Variants in LRP6 observed in about 807,000 individuals in gnomAD.
The protein encoded by LRP6 is low-density lipoprotein receptor-related protein 6.
In LRP6, 43 loss-of-function variants were observed where a neutral mutation model predicts 184.1. The ratio of observed to expected loss-of-function variants is 0.23; its 90% confidence interval spans 0.18 to 0.30. The LOEUF (loss-of-function observed/expected upper bound fraction) is 0.30, where lower values mean the gene tolerates loss of function less well. Among genes scored for constraint, LRP6 ranks in the 10% least tolerant of loss-of-function variants. The pLI, the probability that LRP6 is intolerant of heterozygous loss-of-function variation, is 1.00. For synonymous variants in LRP6, 719 were observed against 684.9 expected (o/e 1.05, Z -0.78); for missense variants, 1,571 against 2,005.3 (o/e 0.78, Z 4.14).
intron 2 of LRP6, among the ~76,000 whole-genome samples, chr12:12,225,608 A>G (rs1037608399): frequency 6.6e-6 from 1 of 151,886 alleles, no homozygotes; most frequent in Admixed American, 6.6e-5. Flanking sequence ...GTGGTGGCTC[A>G]CTCCTGTAAT....
chr12:12,148,999 A>G lies in LRP6; in HGVS notation c.3149T>C (p.Val1050Ala), dbSNP rs762892871. ...TCTGTCCTGCTCGCCTTTCAGCACC[A>G]CTCCAACTGATCTCCCATCTAATCT... ...VTRLDGRSVG[V>A]VLKGEQDRPR... The change falls in exon 14 of 23, where the codon GTG becomes GCG. Residue 1050 changes from valine to alanine, a missense_variant. Around this residue, in one of 4 missense-constraint regions of LRP6, gnomAD observed 763 missense variants for 859.5 expected, o/e 0.89. Coordinates refer to ENST00000261349, the MANE Select transcript of LRP6 (RefSeq NM_002336.3). 2 of 1,613,906 alleles carry G rather than the reference A, an allele frequency of 1.2e-6. No individual in the cohort carries two copies. The highest frequency in any genetic ancestry group is 1.7e-6 in the Non-Finnish European group (2 of 1,179,976).
At chr12:12,260,783 T>C (rs1187376286) in intron 1 of LRP6, among the ~76,000 whole-genome samples, 4 of 152,230 alleles carry the variant, frequency 2.6e-5, no homozygotes, top group Admixed American at 6.5e-5. Flanking sequence ...AGAGTTTAAC[T>C]TGGCCTGTTT....
chr12:12,168,791 G>A (rs1402678553), intron 7 of LRP6, among the ~76,000 whole-genome samples: 1 of 152,084 alleles, frequency 6.6e-6, no homozygotes, highest in African/African-American at 2.4e-5. Flanking sequence ...CTTATCTAAA[G>A]TCAGGGTCAG....
chr12:12,149,987 G>T (rs1216151232), intron 13 of LRP6, among the ~76,000 whole-genome samples: 3 of 152,072 alleles, frequency 2.0e-5, no homozygotes, highest in African/African-American at 7.2e-5. Context: ...TGATCTCTCA[G>T]CAGCCCTAAA....
At chr12:12,214,369 T>C (rs1407336551) in intron 2 of LRP6, among the ~76,000 whole-genome samples, 1 of 152,180 alleles carries the variant, frequency 6.6e-6, no homozygotes, top group African/African-American at 2.4e-5. Context: ...CCAGTAAAGA[T>C]AAGCTTCCTT....
At chr12:12,124,536 A>C in intron 22 of LRP6, 29 bp downstream of exon 22, 1 of 1,471,682 alleles carries the variant, frequency 6.8e-7, no homozygotes, top group African/African-American at 1.4e-5. Flanking sequence ...TAAATACTGC[A>C]CCTTATTTTA....
intron 2 of LRP6, among the ~76,000 whole-genome samples, chr12:12,243,248 C>T (rs1489491227): frequency 1.3e-5 from 2 of 152,190 alleles, no homozygotes. Context: ...ACAGTTCACA[C>T]TCTGAAATGA....
At chr12:12,150,251 T>C (rs1337336536) in intron 13 of LRP6, among the ~76,000 whole-genome samples, 3 of 152,130 alleles carry the variant, frequency 2.0e-5, no homozygotes, top group Non-Finnish European at 2.9e-5. Context: ...AATATCCTCA[T>C]TCCCATCCCA....
At chr12:12,176,080 G>A (rs535137095) in intron 7 of LRP6, among the ~76,000 whole-genome samples, 62 of 151,188 alleles carry the variant, frequency 4.1e-4, no homozygotes, top group African/African-American at 1.4e-3. Flanking sequence ...CCTACTGCAG[G>A]GTCATATAAA....
chr12:12,221,187 A>G (rs1256433881), intron 2 of LRP6, among the ~76,000 whole-genome samples: 4 of 152,236 alleles, frequency 2.6e-5, no homozygotes, highest in Non-Finnish European at 5.9e-5. Context: ...GCAAACTGAT[A>G]TAAAAGGAAC....
At chr12:12,151,131 CAA>C in intron 12 of LRP6, 93 bp from the exon 13 acceptor site, 8 of 1,124,778 alleles carry the variant, frequency 7.1e-6, no homozygotes, top group Non-Finnish European at 1.0e-5. Context: ...GTATTTCATA[CAA>C]AACAGACATA....
intron 1 of LRP6, among the ~76,000 whole-genome samples, chr12:12,262,933 G>A (rs1865655051): frequency 6.6e-6 from 1 of 151,994 alleles, no homozygotes; most frequent in Admixed American, 6.6e-5. Context: ...AGGCTCAAAC[G>A]ACCAAGATCC....
rs535157629 is a variant in LRP6, at chr12:12,255,645, A to G, written c.56-10990T>C. ...GAGTGCAGTGGTGCGATCTCATCTC[A>G]CTGCAACCTCCACCTCCCAGGTTCA... is the stretch of plus-strand genomic sequence containing the variant. On this transcript the variant is annotated intron_variant, in intron 1 of 22. Transcript: ENST00000261349. 1.2e-4 allele frequency among the ~76,000 whole-genome samples: 17 copies of G among 138,344 alleles called. No individual in the cohort carries two copies. The Admixed American group carries it at 1.3e-3, about 11-fold the overall frequency. The allele number at this position is 138,344 out of a possible 152,430, so 90.8% of individuals were successfully genotyped here. A position where few individuals can be genotyped will look rare whatever the true frequency, so the allele number is the denominator to read the frequency against.
At chr12:12,145,627 T>TTC (rs202211539) in intron 15 of LRP6, among the ~76,000 whole-genome samples, 856 of 77,758 alleles carry the variant, frequency 0.011, 21 homozygotes, top group East Asian at 0.078. Context: ...TCTTTTTCTT[T>TTC]TTTTTTTTTT....
intron 7 of LRP6, among the ~76,000 whole-genome samples, chr12:12,167,064 A>T (rs931952720): frequency 3.3e-5 from 5 of 152,198 alleles, no homozygotes; most frequent in Admixed American, 2.6e-4. Context: ...AAGCCACTGT[A>T]CTCCAGCCTA....
intron 1 of LRP6, among the ~76,000 whole-genome samples, chr12:12,250,220 A>C (rs1311132965): frequency 3.3e-5 from 5 of 152,160 alleles, no homozygotes; most frequent in Admixed American, 6.5e-5. Context: ...TCAGCCTTCC[A>C]CCATGACTTC....
At chr12:12,220,440 T>C (rs1311181903) in intron 2 of LRP6, among the ~76,000 whole-genome samples, 1 of 152,192 alleles carries the variant, frequency 6.6e-6, no homozygotes, top group Non-Finnish European at 1.5e-5. Flanking sequence ...CTCTGCAGTA[T>C]AGTACGTAGC....
intron 7 of LRP6, among the ~76,000 whole-genome samples, chr12:12,168,928 T>C (rs111232077): frequency 2.0e-5 from 3 of 152,198 alleles, no homozygotes; most frequent in African/African-American, 4.8e-5. Context: ...AACATGTTAA[T>C]ATTTCTGCAA....
At chr12:12,228,002 T>C (rs1864674218) in intron 2 of LRP6, among the ~76,000 whole-genome samples, 1 of 152,178 alleles carries the variant, frequency 6.6e-6, no homozygotes, top group Admixed American at 6.5e-5. Flanking sequence ...CAGTGGTCAA[T>C]AAGACTGGTA....
Sources: allele counts gnomAD v4.1 joint callset (sites outside exome capture counted in the v4.1 genomes callset), GRCh38; gene constraint gnomAD v4.1.1; regional missense constraint gnomAD v4.1.1; transcripts MANE v1.5; gene names NCBI Gene and HGNC (gene_info 2026-07-23, HGNC 2026-07-21).